The following PCDHA8 variants were observed in gnomAD, a reference collection of about 807,000 sequenced individuals.
PCDHA8 encodes the protein protocadherin alpha-8.
PCDHA8 carries 53 observed loss-of-function variants against 61.8 expected under a neutral mutation model. The ratio of observed to expected loss-of-function variants is 0.86; its 90% CI spans 0.69 to 1.08. PCDHA8 has a LOEUF of 1.08. Among genes scored for constraint, PCDHA8 ranks in the 50% least tolerant of loss-of-function variants. The pLI is 0.00. For synonymous variants in PCDHA8, 618 were observed against 556.6 expected (o/e 1.11, Z -1.55); for missense variants, 1,293 against 1,245.0 (o/e 1.04, Z -0.58).
In PCDHA8 at chr5:140,858,604, A is replaced by T. The variant is rs547814145; in HGVS notation, c.2394+14889A>T. 1.3e-3 allele frequency: 1,648 copies of T among 1,276,538 alleles called. 106 individuals carry two copies. The South Asian group carries it at 0.023, about 18-fold the overall frequency. 79.1% of individuals were successfully genotyped at this position (1,276,538 alleles called of 1,614,324 possible). ...TATAATTTATTCCAGGAGTTTTAAA[A>T]TTTTTTTATCCTACCCAGTGTGTCA... On this transcript the variant is annotated intron_variant, in intron 1 of 3. Transcript: ENST00000531613.
intron 1 of PCDHA8, among the ~76,000 whole-genome samples, chr5:140,950,195 C>T (rs186601471): frequency 6.6e-6 from 1 of 152,028 alleles, no homozygotes; most frequent in South Asian, 2.1e-4. Flanking sequence ...AAAAAATAGT[C>T]ATTTCTGTTT....
chr5:140,885,122 T>A (rs191806335), intron 1 of PCDHA8, among the ~76,000 whole-genome samples: 1 of 152,332 alleles, frequency 6.6e-6, no homozygotes, highest in African/African-American at 2.4e-5. Context: ...AGTGCACTTT[T>A]CTTTCTTTCT....
intron 3 of PCDHA8, among the ~76,000 whole-genome samples, chr5:140,990,194 G>A (rs2097380047): frequency 6.6e-6 from 1 of 152,076 alleles, no homozygotes; most frequent in Non-Finnish European, 1.5e-5. Context: ...ACCAAATGTG[G>A]ACCCGAAAGA....
At chr5:140,877,894 G>C (rs1186724493) in intron 1 of PCDHA8, 21 of 1,447,492 alleles carry the variant, frequency 1.5e-5, no homozygotes, top group African/African-American at 2.9e-5. Flanking sequence ...CTTCCGTTTA[G>C]GTTATAACTA....
rs183247098 is a variant in PCDHA8 at position 140,949,419 on chromosome 5, T to G, written c.2395-29530T>G. On this transcript the variant is annotated intron_variant, in intron 1 of 3. Coordinates refer to ENST00000531613, the MANE Select transcript of PCDHA8 (RefSeq NM_018911.3). ...TGTTAAAAATCACCTATCATCATTGTGTTTATCTCTTTGTGCCCATTTTTG... is the reference window on the plus strand; with the variant it reads ...TGTTAAAAATCACCTATCATCATTGGGTTTATCTCTTTGTGCCCATTTTTG... Among the ~76,000 whole-genome samples the G allele has an allele frequency of 2.5e-3, 382 of 151,992 alleles. 3 individuals are homozygous for G. The highest frequency in any genetic ancestry group is 0.018 in the South Asian group (86 of 4,828).
chr5:140,868,272 A>C (rs1050467999), intron 1 of PCDHA8: 1 of 152,090 alleles, frequency 6.6e-6, no homozygotes, highest in Non-Finnish European at 1.5e-5. Context: ...CTTTTTTAAA[A>C]CTACCAAGTT....
At chr5:140,967,944 A>G (rs782135204) in intron 1 of PCDHA8, 4 of 1,613,970 alleles carry the variant, frequency 2.5e-6, no homozygotes. Flanking sequence ...AATGACCAAG[A>G]CTCAGGCCCC....
intron 1 of PCDHA8, among the ~76,000 whole-genome samples, chr5:140,924,726 C>T (rs1294650773): frequency 1.3e-5 from 2 of 151,796 alleles, no homozygotes; most frequent in African/African-American, 4.8e-5. Context: ...GAAACCTCAC[C>T]TCTAATAAAA....
intron 1 of PCDHA8, among the ~76,000 whole-genome samples, chr5:140,960,384 A>G (rs1204813293): frequency 6.6e-6 from 1 of 152,198 alleles, no homozygotes. Flanking sequence ...GTGCCAAGAC[A>G]TTAGGATGCA....
intron 3 of PCDHA8, among the ~76,000 whole-genome samples, chr5:141,000,387 CTCTCTCTCTATATATATATA>C (rs1348939997): frequency 1.5e-5 from 1 of 66,898 alleles, no homozygotes; most frequent in Non-Finnish European, 2.8e-5. Context: ...CTCTCTCTCT[CTCTCTCTCTATATATATATA>C]TATATATATA....
intron 3 of PCDHA8, among the ~76,000 whole-genome samples, chr5:140,997,092 A>C (rs2097758868): frequency 6.6e-6 from 1 of 152,160 alleles, no homozygotes; most frequent in South Asian, 2.1e-4. Flanking sequence ...GAAAGTGCAG[A>C]GTTCTCATGC....
chr5:140,892,310 A>T (rs1346325979), intron 1 of PCDHA8, among the ~76,000 whole-genome samples: 1 of 152,230 alleles, frequency 6.6e-6, no homozygotes, highest in African/African-American at 2.4e-5. Flanking sequence ...TTTGGGGCTT[A>T]TAACATTTTC....
At chr5:140,917,242 T>C (rs564284004) in intron 1 of PCDHA8, among the ~76,000 whole-genome samples, 1 of 151,850 alleles carries the variant, frequency 6.6e-6, no homozygotes, top group African/African-American at 2.4e-5. Flanking sequence ...ATCTAGGTAC[T>C]ACGATTGCTC....
chr5:140,872,448 G>A (rs1164382380), intron 1 of PCDHA8, among the ~76,000 whole-genome samples: 2 of 151,992 alleles, frequency 1.3e-5, no homozygotes, highest in South Asian at 2.1e-4. Flanking sequence ...ACAACATAGC[G>A]AGATCCTGTC....
intron 1 of PCDHA8, among the ~76,000 whole-genome samples, chr5:140,907,756 C>A (rs183321184): frequency 6.6e-6 from 1 of 152,146 alleles, no homozygotes; most frequent in African/African-American, 2.4e-5. Flanking sequence ...TGTTCATGGG[C>A]CCATTGGGTG....
intron 1 of PCDHA8, chr5:140,852,251 G>A: frequency 1.9e-6 from 1 of 527,556 alleles, no homozygotes; most frequent in Non-Finnish European, 2.5e-6. Flanking sequence ...ACACACTTTT[G>A]GAATATGCTA....
intron 1 of PCDHA8, among the ~76,000 whole-genome samples, chr5:140,925,526 C>T (rs2153578026): frequency 6.6e-6 from 1 of 152,028 alleles, no homozygotes; most frequent in Non-Finnish European, 1.5e-5. Flanking sequence ...AAATTAAAAG[C>T]GAGGAGAAAT....
intron 1 of PCDHA8, chr5:140,876,863 T>C (rs1225401565): frequency 4.3e-6 from 7 of 1,613,806 alleles, no homozygotes; most frequent in Non-Finnish European, 5.1e-6. Flanking sequence ...ACAGTGTTCG[T>C]GAAGGAGAAC....
At chr5:141,001,289 TGAGGCCCA>T (rs1387793441) in intron 3 of PCDHA8, among the ~76,000 whole-genome samples, 1 of 152,150 alleles carries the variant, frequency 6.6e-6, no homozygotes, top group Non-Finnish European at 1.5e-5. Context: ...GGATGAAAAC[TGAGGCCCA>T]GAGATATGAA....
Sources: allele counts gnomAD v4.1 joint callset (sites outside exome capture counted in the v4.1 genomes callset), GRCh38; gene constraint gnomAD v4.1.1; transcripts MANE v1.5; gene names NCBI Gene and HGNC (gene_info 2026-07-23, HGNC 2026-07-21).